Variants in YARS1 observed in about 807,000 individuals in gnomAD.
The protein encoded by YARS1 is tyrosyl-tRNA synthetase 1.
YARS1 carries 36 observed loss-of-function variants against 62.2 expected under a neutral mutation model. That is an observed-to-expected ratio of 0.58 (90% CI 0.44 to 0.76). The LOEUF is 0.76. Ranked by LOEUF, YARS1 falls within the 30% of genes least tolerant of loss-of-function variation. YARS1 has a pLI of 0.00. For missense variants in YARS1, 524 were observed against 639.8 expected, an observed-to-expected ratio of 0.82 and a Z score of 1.95; for synonymous variants, 234 against 244.9, an observed-to-expected ratio of 0.96 and a Z score of 0.42.
chr1:32,795,495 T>A (rs1194416760), intron 5 of YARS1, among the ~76,000 whole-genome samples: 1 of 151,966 alleles, frequency 6.6e-6, no homozygotes, highest in Non-Finnish European at 1.5e-5. Context: ...CAAACTGTTT[T>A]AGAAAGGGCC....
intron 6 of YARS1, 53 bp from the exon 7 acceptor site, chr1:32,787,128 C>G (rs1653255709): frequency 1.2e-6 from 2 of 1,609,500 alleles, no homozygotes; most frequent in South Asian, 2.2e-5. Flanking sequence ...TGAGAATATG[C>G]TCAACTAATA....
chr1:32,800,879 T>C (rs1638272469), intron 4 of YARS1, among the ~76,000 whole-genome samples: 1 of 152,240 alleles, frequency 6.6e-6, no homozygotes, highest in Non-Finnish European at 1.5e-5. Flanking sequence ...GCCTGGTTTG[T>C]ATTTTTCTAC....
chr1:32,810,975 T>C lies in YARS1; in HGVS notation c.140A>G (p.Lys47Arg). 1.2e-6 allele frequency: 2 copies of C among 1,614,202 alleles called. No homozygotes were observed. The highest frequency in any genetic ancestry group is 1.7e-6 in the Non-Finnish European group (2 of 1,180,042). The change falls in exon 2 of 13, where the codon AAA (lysine) becomes AGA (arginine). Residue 47 changes from lysine to arginine, a missense_variant. Lys to Arg is a conservative substitution (Grantham distance 26). Coordinates refer to ENST00000373477, the MANE Select transcript of YARS1 (RefSeq NM_003680.4). The stretch of plus-strand genomic sequence containing the variant: ...GGGCACAAAGTAAGCCACATGTGGT[T>C]TGCCCGTGGTTGCCGTTCCCCAGTA... The part of the protein sequence containing the change: ...KIYWGTATTG[K>R]PHVAYFVPMS...
chr1:32,776,689 G>A lies in YARS1; in HGVS notation c.1477-598C>T, dbSNP rs975058814. On this transcript the variant is annotated intron_variant, in intron 12 of 12. Transcript: ENST00000373477. This position sits in a 1 kb window ranked among gnomAD's most constrained non-coding sequence, Gnocchi z 4.0. ...CTAATAAGAGTTTAGTTAGATTGCC[G>A]GGCGTGGTGGCTCACACCTATAATC... is the stretch of plus-strand genomic sequence containing the variant. Among the ~76,000 whole-genome samples the A allele has an allele frequency of 1.3e-5, 2 of 152,136 alleles. No homozygotes were observed. Among genetic ancestry groups the A allele is most frequent in the African/African-American group, 2.4e-5 (1 of 41,440 alleles).
intron 4 of YARS1, among the ~76,000 whole-genome samples, chr1:32,800,241 C>T (rs1413645246): frequency 1.3e-5 from 2 of 152,114 alleles, no homozygotes; most frequent in African/African-American, 4.8e-5. Flanking sequence ...CTTGGTCTCC[C>T]AAAGTGTTGG....
chr1:32,782,230 C>T, intron 9 of YARS1, 174 bp downstream of exon 9: 2 of 1,090,674 alleles, frequency 1.8e-6, no homozygotes, highest in South Asian at 1.5e-5. Flanking sequence ...CTGATGTTAA[C>T]CAAACCCAAA....
chr1:32,792,833 T>C (rs926669709), intron 5 of YARS1, among the ~76,000 whole-genome samples: 2 of 151,626 alleles, frequency 1.3e-5, no homozygotes, highest in Non-Finnish European at 2.9e-5. Flanking sequence ...TGAGCTGAGA[T>C]TGCGCCACTG....
intron 4 of YARS1, among the ~76,000 whole-genome samples, chr1:32,805,672 AG>A (rs903352078): frequency 6.6e-6 from 1 of 151,814 alleles, no homozygotes; most frequent in African/African-American, 2.4e-5. Context: ...TTAAAGTGAC[AG>A]ATGTGCGGCC....
chr1:32,777,992 A>G (rs997193607), intron 12 of YARS1, among the ~76,000 whole-genome samples: 2 of 152,196 alleles, frequency 1.3e-5, no homozygotes, highest in African/African-American at 4.8e-5. Flanking sequence ...CCAGAAAAAA[A>G]GAGATTCACA....
chr1:32,784,539 T>C (rs1236555815), intron 8 of YARS1, among the ~76,000 whole-genome samples: 1 of 152,148 alleles, frequency 6.6e-6, no homozygotes, highest in Middle Eastern at 3.2e-3. Flanking sequence ...ACCATGTCTT[T>C]GTACAACTTA....
intron 5 of YARS1, among the ~76,000 whole-genome samples, chr1:32,794,578 C>T (rs1178501727): frequency 4.6e-5 from 7 of 151,540 alleles, no homozygotes; most frequent in African/African-American, 1.5e-4. Context: ...TTACTAGAGA[C>T]GGGGTTTCAT....
At chr1:32,796,496 G>C (rs1363508846) in intron 5 of YARS1, among the ~76,000 whole-genome samples, 1 of 151,540 alleles carries the variant, frequency 6.6e-6, no homozygotes, top group Non-Finnish European at 1.5e-5. Flanking sequence ...TCGGCCTCCT[G>C]AATAGCTGGG....
In YARS1 at chr1:32,779,462, G is replaced by C. The variant is rs1296800363; in HGVS notation, c.1396C>G (p.His466Asp). The C allele has an allele frequency of 4.3e-6, 7 of 1,614,180 alleles. No individual in the cohort carries two copies. Among genetic ancestry groups the C allele is most frequent in the Non-Finnish European group, 4.2e-6 (5 of 1,180,022 alleles). The part of the protein sequence containing the change: ...DPPAGSAPGE[H>D]VFVKGYEKGQ... ...TTTTCATAGCCCTTCACAAACACGT[G>C]CTCACCAGGAGCAGAGCCTGCCGGA... The change falls in exon 12 of 13, where the codon CAC becomes GAC. Residue 466 changes from histidine (H) to aspartate (D), a missense_variant. By Grantham distance (81) the His-to-Asp change is moderately conservative. Coordinates refer to ENST00000373477, the MANE Select transcript of YARS1 (RefSeq NM_003680.4).
Position 32,776,150 on chromosome 1 carries a change from C to A in YARS1, c.1477-59G>T, listed in dbSNP as rs920728113. 5.6e-5 allele frequency: 81 copies of A among 1,446,868 alleles called. No individual in the cohort carries two copies. Among genetic ancestry groups the A allele is most frequent in the Non-Finnish European group, 7.3e-5 (76 of 1,042,262 alleles). The allele number at this position is 1,446,868 out of a possible 1,614,324, so 89.6% of individuals were successfully genotyped here. On this transcript the variant is annotated intron_variant, in intron 12 of 12. Coordinates refer to ENST00000373477, the MANE Select transcript of YARS1 (RefSeq NM_003680.4). The surrounding 1 kb of genome is among the most constrained non-coding windows in gnomAD (Gnocchi z 4.0). Reference sequence around the variant, plus strand: ...GGTGGTGGGACTGCAAGAAAACCCCCCCTTTTTTGGAGGGGGGGCAGAGTT... The same window carrying A: ...GGTGGTGGGACTGCAAGAAAACCCCACCTTTTTTGGAGGGGGGGCAGAGTT...
chr1:32,806,736 T>C (rs1450529016), intron 3 of YARS1, 125 bp from the exon 4 acceptor site: 2 of 1,324,234 alleles, frequency 1.5e-6, no homozygotes, highest in Non-Finnish European at 2.1e-6. Context: ...GTTTTAAAAA[T>C]ATATTTTAAT....
chr1:32,788,454 C>T (rs1464784808), intron 6 of YARS1, among the ~76,000 whole-genome samples: 3 of 151,580 alleles, frequency 2.0e-5, no homozygotes, highest in Non-Finnish European at 4.4e-5. Context: ...TTTTTTGAGA[C>T]AGTTTTGCTT....
chr1:32,797,522 T>C (rs1303765694), intron 5 of YARS1: 3 of 564,242 alleles, frequency 5.3e-6, no homozygotes, highest in African/African-American at 1.9e-5. Flanking sequence ...AGCTTCCTGG[T>C]TGTCACCAGG....
intron 12 of YARS1, among the ~76,000 whole-genome samples, chr1:32,778,736 CT>C (rs67504155): frequency 0.067 from 8,031 of 120,030 alleles, 332 homozygotes; most frequent in African/African-American, 0.17. Context: ...CTTTTCTTTT[CT>C]TTTTTTTTTT....
intron 10 of YARS1, 100 bp downstream of exon 10, chr1:32,780,948 C>T: frequency 1.9e-6 from 2 of 1,065,706 alleles, no homozygotes; most frequent in East Asian, 4.7e-5. Flanking sequence ...AATATGACCT[C>T]AGGATGTTAC....
Sources: gnomAD v4.1 joint callset for allele counts (sites outside exome capture counted in the v4.1 genomes callset) on GRCh38, gnomAD v4.1.1 for gene constraint, Gnocchi (gnomAD v3.1) non-coding constraint, MANE v1.5 for transcripts, NCBI Gene and HGNC (gene_info 2026-07-23, HGNC 2026-07-21) for gene names.